The following MAGI2 variants were observed in gnomAD, a reference collection of about 807,000 sequenced individuals.
MAGI2 encodes membrane associated guanylate kinase, WW and PDZ domain containing 2, also known as membrane-associated guanylate kinase, WW and PDZ domain-containing protein 2.
Under a neutral mutation model 133.3 loss-of-function variants are expected in MAGI2, and 35 were observed. The observed-to-expected ratio is 0.26, with a 90% CI of 0.20 to 0.35. MAGI2 has a LOEUF of 0.35. Among genes scored for constraint, MAGI2 ranks in the 10% least tolerant of loss-of-function variants. MAGI2 has a pLI of 1.00. For missense variants in MAGI2, 1,636 were observed against 1,863.4 expected (o/e 0.88, Z 2.25); for synonymous variants, 729 against 710.6 (o/e 1.03, Z -0.41).
chr7:79,186,495 A>T (rs989390774), intron 1 of MAGI2, among the ~76,000 whole-genome samples: 2 of 148,706 alleles, frequency 1.3e-5, no homozygotes, highest in Admixed American at 1.4e-4. Context: ...GTGCAAGTAG[A>T]TTTGCATGGT....
intron 1 of MAGI2, among the ~76,000 whole-genome samples, chr7:79,166,915 C>T (rs1824978625): frequency 1.3e-5 from 2 of 151,862 alleles, no homozygotes; most frequent in Admixed American, 1.3e-4. Context: ...CCAGCTAGGC[C>T]ACCAATAGCT....
intron 2 of MAGI2, among the ~76,000 whole-genome samples, chr7:78,791,597 A>T (rs1827246044): frequency 1.4e-5 from 2 of 147,122 alleles, no homozygotes; most frequent in South Asian, 4.3e-4. Flanking sequence ...GCTAGAGTGC[A>T]GTGGCATGAT....
At chr7:78,985,889 T>C (rs894220394) in intron 2 of MAGI2, among the ~76,000 whole-genome samples, 17 of 152,128 alleles carry the variant, frequency 1.1e-4, no homozygotes, top group African/African-American at 4.1e-4. Flanking sequence ...ACTTAATCAT[T>C]ATAGATAGGA....
intron 9 of MAGI2, among the ~76,000 whole-genome samples, chr7:78,288,048 TA>T (rs1470768469): frequency 4.3e-4 from 66 of 152,282 alleles, no homozygotes; most frequent in African/African-American, 1.5e-3. Context: ...TTCCCTAAAA[TA>T]AATGTGCAAG....
intron 9 of MAGI2, among the ~76,000 whole-genome samples, chr7:78,303,032 A>T (rs1341088046): frequency 6.6e-6 from 1 of 152,292 alleles, no homozygotes; most frequent in African/African-American, 2.4e-5. Context: ...TTATTGGCAG[A>T]AGTGATATTT....
At chr7:78,862,291 C>A (rs1248069078) in intron 2 of MAGI2, among the ~76,000 whole-genome samples, 1 of 152,174 alleles carries the variant, frequency 6.6e-6, no homozygotes, top group African/African-American at 2.4e-5. Context: ...GATGATCTCC[C>A]ACATTCTACA....
At chr7:78,031,693 G>C (rs1391366469) in intron 21 of MAGI2, among the ~76,000 whole-genome samples, 1 of 152,172 alleles carries the variant, frequency 6.6e-6, no homozygotes, top group Non-Finnish European at 1.5e-5. Context: ...AAGTGGCAGA[G>C]AGCTGAGAAA....
intron 20 of MAGI2, among the ~76,000 whole-genome samples, chr7:78,091,422 T>G (rs1346910713): frequency 6.6e-6 from 1 of 152,200 alleles, no homozygotes; most frequent in South Asian, 2.1e-4. Context: ...AAACCAGAAC[T>G]GTGAGAAATA....
intron 1 of MAGI2, among the ~76,000 whole-genome samples, chr7:79,306,264 T>C (rs1449135783): frequency 1.4e-5 from 2 of 147,120 alleles, no homozygotes; most frequent in African/African-American, 4.9e-5. Context: ...TTTATATTTA[T>C]ATATATTTTA....
At chr7:79,154,578 T>G (rs554038546) in intron 1 of MAGI2, among the ~76,000 whole-genome samples, 1 of 152,262 alleles carries the variant, frequency 6.6e-6, no homozygotes, top group East Asian at 1.9e-4. Context: ...TAATTTCATT[T>G]TCTTGTGCTT....
intron 4 of MAGI2, among the ~76,000 whole-genome samples, chr7:78,512,752 G>A (rs375814409): frequency 1.7e-4 from 26 of 152,242 alleles, no homozygotes; most frequent in African/African-American, 5.1e-4. Flanking sequence ...TGCATATTTC[G>A]TGCCTCACAA....
In MAGI2 at chr7:78,471,370, T is replaced by C. The variant is rs149415161; in HGVS notation, c.1045+18391A>G. On this transcript the variant is annotated intron_variant, in intron 6 of 21. Transcript: ENST00000354212. Reference sequence around the variant, plus strand: ...AGTTTATTTCCCTGTTAAACAGTGATAGCACTGGGCTGTTGTGGAGATTAA... The same window carrying C: ...AGTTTATTTCCCTGTTAAACAGTGACAGCACTGGGCTGTTGTGGAGATTAA... 2.0e-3 allele frequency among the ~76,000 whole-genome samples: 308 copies of C among 152,252 alleles called. 7 individuals are homozygous for C. The East Asian group carries it at 0.044, about 22-fold the overall frequency.
intron 2 of MAGI2, among the ~76,000 whole-genome samples, chr7:78,909,956 T>G (rs1040215115): frequency 6.6e-6 from 1 of 152,252 alleles, no homozygotes; most frequent in East Asian, 1.9e-4. Flanking sequence ...TATGCAGCCA[T>G]GAAAAGGAAT....
intron 2 of MAGI2, among the ~76,000 whole-genome samples, chr7:78,827,185 A>G (rs1393249291): frequency 6.6e-6 from 1 of 152,234 alleles, no homozygotes; most frequent in Non-Finnish European, 1.5e-5. Flanking sequence ...ATACTCTATT[A>G]GCAAGAAGCC....
At chr7:78,905,357 T>C (rs1797918644) in intron 2 of MAGI2, among the ~76,000 whole-genome samples, 1 of 152,174 alleles carries the variant, frequency 6.6e-6, no homozygotes, top group Admixed American at 6.5e-5. Context: ...AGGAGCAACT[T>C]AAATTAGTAA....
intron 3 of MAGI2, among the ~76,000 whole-genome samples, chr7:78,606,220 A>C (rs1805799935): frequency 6.6e-6 from 1 of 152,128 alleles, no homozygotes; most frequent in Admixed American, 6.5e-5. Flanking sequence ...TGTTTTTTTA[A>C]AAGGTCAATC....
chr7:78,763,034 AAC>A (rs1364805247), intron 2 of MAGI2, among the ~76,000 whole-genome samples: 4 of 152,204 alleles, frequency 2.6e-5, no homozygotes, highest in Admixed American at 6.5e-5. Flanking sequence ...GGGAGAGAGA[AAC>A]ACGAGAAATG....
chr7:79,221,337 A>G (rs2129553466), intron 1 of MAGI2, among the ~76,000 whole-genome samples: 1 of 152,180 alleles, frequency 6.6e-6, no homozygotes, highest in South Asian at 2.1e-4. Flanking sequence ...TTTAGGAAGA[A>G]ACTGTCATCT....
intron 2 of MAGI2, among the ~76,000 whole-genome samples, chr7:78,764,441 T>C (rs945745553): frequency 6.6e-5 from 10 of 152,230 alleles, no homozygotes; most frequent in African/African-American, 2.4e-4. Flanking sequence ...AAAATCTCGA[T>C]GAATTTGTGA....
Sources: allele counts gnomAD v4.1 joint callset (sites outside exome capture counted in the v4.1 genomes callset), GRCh38; gene constraint gnomAD v4.1.1; transcripts MANE v1.5; gene names NCBI Gene and HGNC (gene_info 2026-07-23, HGNC 2026-07-21).